CSMD1: variants seen among roughly 807,000 people sequenced by gnomAD.
CSMD1 encodes the protein CUB and Sushi multiple domains 1, also known as CUB and sushi domain-containing protein 1.
A neutral mutation model predicts 417.5 loss-of-function variants in CSMD1; 213 were observed. That is an observed-to-expected ratio of 0.51 (90% CI 0.46 to 0.57). The LOEUF is 0.57. Among genes scored for constraint, CSMD1 ranks in the 20% least tolerant of loss-of-function variants. The probability of loss-of-function intolerance (pLI) is 0.00; values close to 1 mark genes in which losing one functional copy is unlikely to be tolerated. For synonymous variants in CSMD1, 2,862 were observed against 1,736.8 expected (o/e 1.65, Z -16.11); for missense variants, 6,923 against 4,529.7 (o/e 1.53, Z -15.17).
At chr8:4,217,193 A>G (rs1247593130) in intron 3 of CSMD1, among the ~76,000 whole-genome samples, 1 of 152,184 alleles carries the variant, frequency 6.6e-6, no homozygotes, top group African/African-American at 2.4e-5. Context: ...CTTATCATGC[A>G]AAGTTATAGC....
chr8:4,772,464 G>A (rs1250754451), intron 1 of CSMD1, among the ~76,000 whole-genome samples: 4 of 152,138 alleles, frequency 2.6e-5, no homozygotes, highest in Non-Finnish European at 4.4e-5. Flanking sequence ...TATCATGAGC[G>A]TCATCCGGTC....
intron 1 of CSMD1, among the ~76,000 whole-genome samples, chr8:4,771,214 A>G (rs1796579801): frequency 6.6e-6 from 1 of 152,188 alleles, no homozygotes; most frequent in African/African-American, 2.4e-5. Context: ...AAAATTAGCA[A>G]TTTTCAAGAG....
chr8:4,751,315 G>A (rs1338996843), intron 1 of CSMD1, among the ~76,000 whole-genome samples: 1 of 152,050 alleles, frequency 6.6e-6, no homozygotes, highest in Non-Finnish European at 1.5e-5. Flanking sequence ...AACCCAGGAA[G>A]TGGAGGTTGC....
At chr8:2,944,236 G>C (rs1802070119) in intron 68 of CSMD1, among the ~76,000 whole-genome samples, 1 of 152,180 alleles carries the variant, frequency 6.6e-6, no homozygotes, top group South Asian at 2.1e-4. Context: ...TCCCACCCCA[G>C]GCACTGTATT....
intron 1 of CSMD1, among the ~76,000 whole-genome samples, chr8:4,651,179 C>A (rs988468127): frequency 6.6e-6 from 1 of 152,000 alleles, no homozygotes; most frequent in South Asian, 2.1e-4. Context: ...AATTATTGTA[C>A]CAAATTCCCT....
rs536904431 is a variant in CSMD1 at position 3,888,538 on chromosome 8, T to C, written c.818+109365A>G. On this transcript the variant is annotated intron_variant, in intron 5 of 69. Coordinates refer to ENST00000635120, the MANE Select transcript of CSMD1 (RefSeq NM_033225.6). ...TTGCTGGCTCCCCCATCTGACCTTG[T>C]CATGCCTCTTGTATCAAGTACCAGC... Among the ~76,000 whole-genome samples the C allele has an allele frequency of 4.2e-4, 64 of 152,324 alleles. 1 individual carries two copies. The highest frequency in any genetic ancestry group is 4.0e-4 in the Non-Finnish European group (27 of 68,028).
intron 3 of CSMD1, among the ~76,000 whole-genome samples, chr8:4,191,316 A>T (rs1563249171): frequency 6.6e-6 from 1 of 152,154 alleles, no homozygotes; most frequent in Admixed American, 6.5e-5. Context: ...GAATGGCGTG[A>T]ACCCGGGAGG....
At chr8:3,887,741 C>T (rs1407162638) in intron 5 of CSMD1, among the ~76,000 whole-genome samples, 1 of 152,190 alleles carries the variant, frequency 6.6e-6, no homozygotes, top group Non-Finnish European at 1.5e-5. Flanking sequence ...ATAGAAAAAA[C>T]TCAGATTACT....
rs141491904 is a variant in CSMD1, at chr8:3,156,602, T to C, written c.5914+1295A>G. On this transcript the variant is annotated intron_variant, in intron 39 of 69. Transcript: ENST00000635120. ...AGAGCATTGAGGAGGGGACACTCTC[T>C]CCAGTGCAAAATTCAAGAGGGTGCC... Among the ~76,000 whole-genome samples, 133 of 152,262 alleles carry C rather than the reference T, an allele frequency of 8.7e-4. 1 individual carries two copies. Among genetic ancestry groups the C allele is most frequent in the African/African-American group, 3.1e-3 (129 of 41,554 alleles).
At chr8:3,451,087 G>A (rs933656139) in intron 12 of CSMD1, among the ~76,000 whole-genome samples, 29 of 152,240 alleles carry the variant, frequency 1.9e-4, no homozygotes, top group South Asian at 1.0e-3. Flanking sequence ...ATTTTTTCAC[G>A]TCTCTTTTGG....
rs2554515 is a variant in CSMD1 at position 3,950,808 on chromosome 8, T to C, written c.818+47095A>G. Among the ~76,000 whole-genome samples the C allele has an allele frequency of 3.7e-3, 562 of 152,182 alleles. 6 individuals are homozygous for C. Among genetic ancestry groups the C allele is most frequent in the African/African-American group, 0.013 (541 of 41,558 alleles). ...GTATAAACATATTCTTCGGTCATAA[T>C]AGGTTTAGTATATTAAAATACTGTG... is the stretch of plus-strand genomic sequence containing the variant. On this transcript the variant is annotated intron_variant, in intron 5 of 69. Transcript: ENST00000635120.
chr8:3,426,092 C>G (rs1388030776), intron 12 of CSMD1, among the ~76,000 whole-genome samples: 4 of 152,198 alleles, frequency 2.6e-5, no homozygotes, highest in Non-Finnish European at 5.9e-5. Flanking sequence ...GCAGAACAGA[C>G]TATTGCATGA....
At chr8:3,114,184 C>G (rs560092170) in intron 42 of CSMD1, among the ~76,000 whole-genome samples, 1 of 152,238 alleles carries the variant, frequency 6.6e-6, no homozygotes, top group African/African-American at 2.4e-5. Flanking sequence ...GTCAAGGCTA[C>G]AGTGAGCAGT....
intron 29 of CSMD1, among the ~76,000 whole-genome samples, chr8:3,218,882 GAA>G (rs200288065): frequency 1.7e-4 from 24 of 144,304 alleles, no homozygotes; most frequent in African/African-American, 6.1e-4. Flanking sequence ...CAAGAAAAAA[GAA>G]AAAAAAAAGT....
intron 5 of CSMD1, among the ~76,000 whole-genome samples, chr8:3,774,970 A>T (rs1220201232): frequency 6.6e-6 from 1 of 152,070 alleles, no homozygotes; most frequent in Admixed American, 6.6e-5. Context: ...ATACACAGCA[A>T]TGCACTGGAC....
chr8:4,560,272 T>G (rs1216421043), intron 2 of CSMD1, among the ~76,000 whole-genome samples: 3 of 152,238 alleles, frequency 2.0e-5, no homozygotes, highest in African/African-American at 7.2e-5. Flanking sequence ...CCCCTGACTA[T>G]GTGACGATGT....
intron 1 of CSMD1, among the ~76,000 whole-genome samples, chr8:4,786,944 C>A (rs879801015): frequency 6.6e-6 from 1 of 152,088 alleles, no homozygotes; most frequent in Non-Finnish European, 1.5e-5. Flanking sequence ...CTTTTTAAAT[C>A]TTAATGTTTT....
At chr8:3,515,940 T>C (rs930436911) in intron 10 of CSMD1, among the ~76,000 whole-genome samples, 4 of 152,194 alleles carry the variant, frequency 2.6e-5, no homozygotes, top group Non-Finnish European at 4.4e-5. Context: ...TACTAGTATG[T>C]GTTTGAGTGA....
At chr8:4,503,436 G>C (rs569064881) in intron 2 of CSMD1, among the ~76,000 whole-genome samples, 1 of 152,000 alleles carries the variant, frequency 6.6e-6, no homozygotes, top group East Asian at 1.9e-4. Flanking sequence ...ATTTATATTC[G>C]CAATATGTTT....
Sources: allele counts gnomAD v4.1 joint callset (sites outside exome capture counted in the v4.1 genomes callset), GRCh38; gene constraint gnomAD v4.1.1; transcripts MANE v1.5; gene names NCBI Gene and HGNC (gene_info 2026-07-23, HGNC 2026-07-21).